PPP3CA: variants seen among roughly 807,000 people sequenced by gnomAD.
PPP3CA encodes the protein protein phosphatase 3 catalytic subunit alpha, also known as CAM-PRP catalytic subunit.
Under a neutral mutation model 66.5 loss-of-function variants are expected in PPP3CA, and 14 were observed. That is an observed-to-expected ratio of 0.21 (90% CI 0.14 to 0.33). The LOEUF is 0.33. PPP3CA is among the 10% of genes least tolerant of loss of function. The pLI is 1.00. For synonymous variants in PPP3CA, 232 were observed against 226.2 expected, an observed-to-expected ratio of 1.03 and a Z score of -0.23; for missense variants, 317 against 639.5, an observed-to-expected ratio of 0.50 and a Z score of 5.44.
rs78016901 is a variant in PPP3CA, at chr4:101,142,257, G to A, written c.260-33179C>T. Among the ~76,000 whole-genome samples the A allele has an allele frequency of 4.4e-3, 666 of 152,250 alleles. 6 individuals carry two copies. The highest frequency in any genetic ancestry group is 0.015 in the African/African-American group (636 of 41,546). On this transcript the variant is annotated intron_variant, in intron 2 of 13. Coordinates refer to ENST00000394854, the MANE Select transcript of PPP3CA (RefSeq NM_000944.5). Reference sequence around the variant, plus strand: ...TTATAAATACTAAATTGGACTTCCTGTAAATCTCATCCCCAGGAGCTTGAG... The same window carrying A: ...TTATAAATACTAAATTGGACTTCCTATAAATCTCATCCCCAGGAGCTTGAG...
At chr4:101,150,998 G>A (rs998445848) in intron 2 of PPP3CA, among the ~76,000 whole-genome samples, 9 of 152,052 alleles carry the variant, frequency 5.9e-5, no homozygotes, top group South Asian at 2.1e-4. Context: ...AAAGAAAAAG[G>A]TATAATCAAA....
intron 1 of PPP3CA, among the ~76,000 whole-genome samples, chr4:101,218,207 A>C (rs1399413132): frequency 2.0e-5 from 3 of 151,952 alleles, no homozygotes; most frequent in Non-Finnish European, 2.9e-5. Flanking sequence ...AGAGTTATTA[A>C]ATGGAGCTAT....
chr4:101,222,198 T>C (rs977580570), intron 1 of PPP3CA, among the ~76,000 whole-genome samples: 1 of 151,706 alleles, frequency 6.6e-6, no homozygotes, highest in African/African-American at 2.4e-5. Context: ...AGGAATTTTA[T>C]GAAGTTAACA....
chr4:101,203,361 G>A (rs1170447746), intron 1 of PPP3CA, among the ~76,000 whole-genome samples: 2 of 152,046 alleles, frequency 1.3e-5, no homozygotes, highest in African/African-American at 2.4e-5. Context: ...TGGGTGTGGT[G>A]GCACATGCCT....
intron 8 of PPP3CA, among the ~76,000 whole-genome samples, chr4:101,068,594 T>C (rs1361777667): frequency 6.6e-6 from 1 of 152,128 alleles, no homozygotes; most frequent in Non-Finnish European, 1.5e-5. Flanking sequence ...TATATGCATA[T>C]TCACATATAT....
At chr4:101,200,278 C>G (rs1724926988) in intron 1 of PPP3CA, among the ~76,000 whole-genome samples, 2 of 152,122 alleles carry the variant, frequency 1.3e-5, no homozygotes, top group Admixed American at 6.5e-5. Context: ...TTTTAAAATA[C>G]TGTATCAAGC....
chr4:101,327,759 TAAAC>T (rs2110329513), intron 1 of PPP3CA, among the ~76,000 whole-genome samples: 1 of 152,258 alleles, frequency 6.6e-6, no homozygotes, highest in South Asian at 2.1e-4. Context: ...AGAACTGAAA[TAAAC>T]ACACACAGCA....
intron 1 of PPP3CA, among the ~76,000 whole-genome samples, chr4:101,212,732 TCTTTAGTGGAAGG>T (rs1451783610): frequency 2.0e-5 from 3 of 151,920 alleles, no homozygotes; most frequent in African/African-American, 7.3e-5. Flanking sequence ...GTATAATGTG[TCTTTAGTGGAAGG>T]CTCAAAGCAG....
chr4:101,106,389 G>T (rs1383453030), intron 3 of PPP3CA, among the ~76,000 whole-genome samples: 3 of 4,290 alleles, frequency 7.0e-4, no homozygotes, highest in African/African-American at 1.4e-3. Flanking sequence ...AAGAAAGAAA[G>T]AAAGAAAGAA....
intron 1 of PPP3CA, among the ~76,000 whole-genome samples, chr4:101,216,549 C>A (rs570460212): frequency 6.6e-6 from 1 of 151,154 alleles, no homozygotes; most frequent in African/African-American, 2.4e-5. Context: ...ATTTTTTTTT[C>A]TTTTCTTAAG....
At chr4:101,226,102 T>A (rs927455132) in intron 1 of PPP3CA, among the ~76,000 whole-genome samples, 6 of 151,768 alleles carry the variant, frequency 4.0e-5, no homozygotes, top group African/African-American at 2.4e-5. Flanking sequence ...CTTATAGATA[T>A]AGGCCCTAGT....
chr4:101,094,039 T>C (rs1730081824), intron 5 of PPP3CA, 124 bp from the exon 6 acceptor site: 2 of 796,736 alleles, frequency 2.5e-6, no homozygotes, highest in Non-Finnish European at 3.6e-6. Context: ...CAGGGTGAAA[T>C]GTCCTCTACC....
At chr4:101,282,920 T>C (rs968662757) in intron 1 of PPP3CA, among the ~76,000 whole-genome samples, 12 of 152,220 alleles carry the variant, frequency 7.9e-5, no homozygotes, top group Non-Finnish European at 1.5e-4. Context: ...AGTAAATGCC[T>C]TTCTTTTCTA....
rs566082669 is a variant in PPP3CA, at chr4:101,271,247, C to A, written c.59-75131G>T. ...ACAATAAACTCATGACACATACTAA[C>A]AATTTATGCATTTAGCTAGTAAGTT... On this transcript the variant is annotated intron_variant, in intron 1 of 13. Transcript: ENST00000394854. 2.0e-5 allele frequency among the ~76,000 whole-genome samples: 3 copies of A among 152,204 alleles called. No individual in the cohort carries two copies. The South Asian group carries it at 6.2e-4, about 32-fold the overall frequency.
chr4:101,153,493 T>C (rs1723209652), intron 2 of PPP3CA, among the ~76,000 whole-genome samples: 1 of 152,176 alleles, frequency 6.6e-6, no homozygotes, highest in Admixed American at 6.5e-5. Context: ...AAACACTTGG[T>C]ACATGGAATA....
At chr4:101,129,507 CA>C in intron 2 of PPP3CA, among the ~76,000 whole-genome samples, 1 of 152,234 alleles carries the variant, frequency 6.6e-6, no homozygotes, top group African/African-American at 2.4e-5. Context: ...CTCTGGCTGG[CA>C]TCTGGTGGGT....
At chr4:101,057,434 A>G (rs559353786) in intron 10 of PPP3CA, among the ~76,000 whole-genome samples, 1 of 152,346 alleles carries the variant, frequency 6.6e-6, no homozygotes, top group Admixed American at 6.5e-5. Context: ...GATATGAACT[A>G]AAAGGTCACA....
At chr4:101,157,581 G>T (rs980790247) in intron 2 of PPP3CA, among the ~76,000 whole-genome samples, 6 of 152,118 alleles carry the variant, frequency 3.9e-5, no homozygotes, top group Admixed American at 6.5e-5. Context: ...CCTAGTACAA[G>T]GAAAATGAGA....
chr4:101,287,764 C>T (rs1442760798), intron 1 of PPP3CA, among the ~76,000 whole-genome samples: 2 of 124,020 alleles, frequency 1.6e-5, no homozygotes, highest in Non-Finnish European at 4.0e-5. Flanking sequence ...CTATTAACCT[C>T]TCTTTTTTTT....
Sources: gnomAD v4.1 joint callset for allele counts (sites outside exome capture counted in the v4.1 genomes callset) on GRCh38, gnomAD v4.1.1 for gene constraint, MANE v1.5 for transcripts, NCBI Gene and HGNC (gene_info 2026-07-23, HGNC 2026-07-21) for gene names.